The following ELMO1 variants were observed in gnomAD, a reference collection of about 807,000 sequenced individuals.
ELMO1 encodes engulfment and cell motility 1, also known as engulfment and cell motility protein 1.
ELMO1 carries 26 observed loss-of-function variants against 98.9 expected under a neutral mutation model. That is an observed-to-expected ratio of 0.26 (90% CI 0.19 to 0.36). The LOEUF is 0.36. ELMO1 is among the 10% of genes least tolerant of loss of function. ELMO1 has a pLI of 1.00. For synonymous variants in ELMO1, 346 were observed against 346.0 expected, an observed-to-expected ratio of 1.00 and a Z score of 0.00; for missense variants, 627 against 935.2, an observed-to-expected ratio of 0.67 and a Z score of 4.30.
intron 16 of ELMO1, among the ~76,000 whole-genome samples, chr7:36,980,137 G>A (rs987751473): frequency 2.6e-5 from 4 of 152,308 alleles, no homozygotes; most frequent in South Asian, 4.1e-4. Context: ...CGGAACAGCT[G>A]AGCAAGAGGA....
Position 37,077,398 on chromosome 7 carries a change from G to T in ELMO1, c.1300+19221C>A, listed in dbSNP as rs56830048. The stretch of plus-strand genomic sequence containing the variant: ...GGCCATGGCCCAGGGTGAAGAGGAA[G>T]CACGTCACACTGAGATTTCTGGGGC... On this transcript the variant is annotated intron_variant, in intron 15 of 21. Coordinates refer to ENST00000310758, the MANE Select transcript of ELMO1 (RefSeq NM_014800.11). Among the ~76,000 whole-genome samples, 963 of 152,294 alleles carry T rather than the reference G, an allele frequency of 6.3e-3. 9 individuals are homozygous for T. The highest frequency in any genetic ancestry group is 0.022 in the African/African-American group (917 of 41,564).
chr7:37,008,839 G>A (rs185690897), intron 16 of ELMO1, among the ~76,000 whole-genome samples: 5 of 152,206 alleles, frequency 3.3e-5, no homozygotes, highest in Middle Eastern at 6.8e-3. Flanking sequence ...TAATGATGGC[G>A]ATTCTATTAA....
At chr7:37,110,509 G>T (rs1262319544) in intron 14 of ELMO1, among the ~76,000 whole-genome samples, 1 of 152,150 alleles carries the variant, frequency 6.6e-6, no homozygotes, top group Non-Finnish European at 1.5e-5. Context: ...CAGCATTTCT[G>T]CCACTTAAAG....
chr7:37,224,870 C>T lies in ELMO1; in HGVS notation c.701+9G>A. The T allele has an allele frequency of 1.2e-6, 2 of 1,613,040 alleles. No individual in the cohort carries two copies. The highest frequency in any genetic ancestry group is 1.7e-6 in the Non-Finnish European group (2 of 1,179,320). On this transcript the variant is annotated intron_variant, in intron 9 of 21. Coordinates refer to ENST00000310758, the MANE Select transcript of ELMO1 (RefSeq NM_014800.11). ...ATTTCTCCTCCCCAGAGCATCTTGGCATGCTTACCCTTGCAGGTGTGGAAT... is the reference window on the plus strand; with the variant it reads ...ATTTCTCCTCCCCAGAGCATCTTGGTATGCTTACCCTTGCAGGTGTGGAAT...
At chr7:37,425,334 C>T (rs916648280) in intron 1 of ELMO1, among the ~76,000 whole-genome samples, 1 of 152,230 alleles carries the variant, frequency 6.6e-6, no homozygotes, top group Non-Finnish European at 1.5e-5. Context: ...GGGCTCCACC[C>T]TCAGGACCTA....
At chr7:37,051,815 G>A (rs763747571) in intron 15 of ELMO1, among the ~76,000 whole-genome samples, 6 of 152,164 alleles carry the variant, frequency 3.9e-5, no homozygotes, top group Non-Finnish European at 7.4e-5. Flanking sequence ...TGTGAAAGGT[G>A]CAGAGCTGCT....
chr7:36,974,309 ACT>A (rs1250949201), intron 16 of ELMO1, among the ~76,000 whole-genome samples: 1 of 151,918 alleles, frequency 6.6e-6, no homozygotes, highest in Non-Finnish European at 1.5e-5. Context: ...ACCAATCGAC[ACT>A]CTGTATCTAG....
chr7:37,237,196 A>C (rs1301925711), intron 7 of ELMO1, among the ~76,000 whole-genome samples: 1 of 152,238 alleles, frequency 6.6e-6, no homozygotes, highest in Non-Finnish European at 1.5e-5. Flanking sequence ...GCCAATCTCA[A>C]AACAAGCATG....
At chr7:37,086,541 G>A (rs1028408304) in intron 15 of ELMO1, among the ~76,000 whole-genome samples, 3 of 151,680 alleles carry the variant, frequency 2.0e-5, no homozygotes, top group Admixed American at 1.3e-4. Context: ...TCAGGAGTTC[G>A]AGACCAGCCT....
chr7:36,927,884 A>G (rs2129081076), intron 16 of ELMO1, among the ~76,000 whole-genome samples: 1 of 152,314 alleles, frequency 6.6e-6, no homozygotes, highest in African/African-American at 2.4e-5. Context: ...GCTCAAGGGG[A>G]AGAGATTTGG....
intron 1 of ELMO1, among the ~76,000 whole-genome samples, chr7:37,394,133 C>G (rs1389894046): frequency 6.6e-6 from 1 of 152,138 alleles, no homozygotes; most frequent in Non-Finnish European, 1.5e-5. Context: ...CCCAGGGACA[C>G]TAATATAATG....
intron 8 of ELMO1, among the ~76,000 whole-genome samples, chr7:37,228,968 G>T (rs571567674): frequency 1.3e-5 from 2 of 152,124 alleles, no homozygotes; most frequent in Non-Finnish European, 2.9e-5. Flanking sequence ...CTCCAGCCTG[G>T]GTGACGGAGC....
intron 15 of ELMO1, among the ~76,000 whole-genome samples, chr7:37,037,434 T>A (rs191855170): frequency 6.6e-6 from 1 of 152,284 alleles, no homozygotes; most frequent in African/African-American, 2.4e-5. Flanking sequence ...CTAACCCCTA[T>A]GACAGAGGAG....
intron 14 of ELMO1, among the ~76,000 whole-genome samples, chr7:37,114,579 G>GCTGAA (rs1240200399): frequency 1.3e-5 from 2 of 152,274 alleles, no homozygotes; most frequent in African/African-American, 4.8e-5. Context: ...GTTTAGCCAT[G>GCTGAA]CTGAACCCCT....
At chr7:36,950,642 C>T (rs966809997) in intron 16 of ELMO1, among the ~76,000 whole-genome samples, 1 of 152,216 alleles carries the variant, frequency 6.6e-6, no homozygotes, top group African/African-American at 2.4e-5. Flanking sequence ...GACAGGAATA[C>T]TGCTCTTCCA....
chr7:37,134,462 G>A (rs754195031), intron 13 of ELMO1, among the ~76,000 whole-genome samples: 1 of 151,838 alleles, frequency 6.6e-6, no homozygotes, highest in South Asian at 2.1e-4. Context: ...GAGAGGTGGA[G>A]GCAGGAGATT....
chr7:37,346,116 T>C (rs1034062040), intron 1 of ELMO1, among the ~76,000 whole-genome samples: 9 of 152,306 alleles, frequency 5.9e-5, no homozygotes, highest in African/African-American at 2.2e-4. Flanking sequence ...GCCTGTTATG[T>C]TCCTGAAACA....
At chr7:36,922,940 C>A (rs1010705233) in intron 16 of ELMO1, among the ~76,000 whole-genome samples, 24 of 152,168 alleles carry the variant, frequency 1.6e-4, no homozygotes, top group Non-Finnish European at 2.8e-4. Flanking sequence ...TGACCACCAG[C>A]AAAGTGGTCA....
intron 1 of ELMO1, among the ~76,000 whole-genome samples, chr7:37,413,887 A>G (rs1804100521): frequency 6.6e-6 from 1 of 152,012 alleles, no homozygotes; most frequent in African/African-American, 2.4e-5. Context: ...CACGTTGCCT[A>G]TTCTGGTCTG....
Sources: gnomAD v4.1 joint callset for allele counts (sites outside exome capture counted in the v4.1 genomes callset) on GRCh38, gnomAD v4.1.1 for gene constraint, MANE v1.5 for transcripts, NCBI Gene and HGNC (gene_info 2026-07-23, HGNC 2026-07-21) for gene names.